Variants in PAN3 observed in about 807,000 individuals in gnomAD.
PAN3 encodes the protein poly(A) specific ribonuclease subunit PAN3.
PAN3 carries 19 observed loss-of-function variants against 96.2 expected under a neutral mutation model. That is an observed-to-expected ratio of 0.20 (90% CI 0.14 to 0.29). The LOEUF (loss-of-function observed/expected upper bound fraction) is 0.29, where lower values mean the gene tolerates loss of function less well. Ranked by LOEUF, PAN3 falls within the 10% of genes least tolerant of loss-of-function variation. The pLI, the probability that PAN3 is intolerant of heterozygous loss-of-function variation, is 1.00. For missense variants in PAN3, 882 were observed against 1,108.1 expected (o/e 0.80, Z 2.90); for synonymous variants, 433 against 406.6 (o/e 1.06, Z -0.78).
rs1878364310 is a variant in PAN3 at position 28,198,728 on chromosome 13, TATCCCAAGGCAAAGCCTATA to T, written c.852+1389_852+1408del. 3.3e-5 allele frequency among the ~76,000 whole-genome samples: 5 copies of T among 152,332 alleles called. No individual in the cohort carries two copies. The South Asian group carries it at 1.0e-3, about 32-fold the overall frequency. On this transcript the variant is annotated intron_variant, in intron 5 of 18. Coordinates refer to ENST00000380958, the MANE Select transcript of PAN3 (RefSeq NM_175854.8). ...TACTCCCAAACTTGCATTTAAAATA[TATCCCAAGGCAAAGCCTATA>T]ATCCCACATGTACATACCACACACA...
intron 1 of PAN3, among the ~76,000 whole-genome samples, chr13:28,153,144 A>G (rs1871597036): frequency 4.6e-5 from 7 of 152,178 alleles, no homozygotes; most frequent in Admixed American, 4.6e-4. Context: ...ATCATACAGC[A>G]GTAAAAACAA....
intron 12 of PAN3, among the ~76,000 whole-genome samples, chr13:28,267,827 C>T (rs1321754730): frequency 1.3e-5 from 2 of 152,190 alleles, no homozygotes; most frequent in Non-Finnish European, 2.9e-5. Flanking sequence ...TCCCACAACA[C>T]TGTGGGAATT....
At chr13:28,220,400 A>C in intron 6 of PAN3, 22 bp downstream of exon 6, 1 of 1,610,414 alleles carries the variant, frequency 6.2e-7, no homozygotes, top group Non-Finnish European at 8.5e-7. Context: ...AACTATTTCC[A>C]GTGAGTTCCA....
chr13:28,223,281 G>A (rs1881595513), intron 6 of PAN3, among the ~76,000 whole-genome samples: 1 of 152,154 alleles, frequency 6.6e-6, no homozygotes, highest in Non-Finnish European at 1.5e-5. Flanking sequence ...CTATCAAATT[G>A]TATACACACT....
At chr13:28,189,286 G>A (rs999881293) in intron 4 of PAN3, among the ~76,000 whole-genome samples, 8 of 152,138 alleles carry the variant, frequency 5.3e-5, no homozygotes, top group African/African-American at 1.9e-4. Flanking sequence ...GGGAGGCCAC[G>A]CCGGGTGGAT....
chr13:28,214,760 A>G, intron 5 of PAN3: 1 of 554,084 alleles, frequency 1.8e-6, no homozygotes, highest in Non-Finnish European at 3.3e-6. Flanking sequence ...ACTTGAGACC[A>G]ACAAGTACTA....
rs149423950 is a variant in PAN3, at chr13:28,213,485, T to C, written c.853-6746T>C. Among the ~76,000 whole-genome samples, 564 of 152,176 alleles carry C rather than the reference T, an allele frequency of 3.7e-3. 2 individuals are homozygous for C. Among genetic ancestry groups the C allele is most frequent in the Middle Eastern group, 0.01 (3 of 294 alleles). ...TAGAATTCCATACTTGGAAAAAATATCCTGCAAAAATGCAGTCAAATTGAG... is the reference window on the plus strand; with the variant it reads ...TAGAATTCCATACTTGGAAAAAATACCCTGCAAAAATGCAGTCAAATTGAG... On this transcript the variant is annotated intron_variant, in intron 5 of 18. Transcript: ENST00000380958.
At chr13:28,210,355 A>G (rs1162914463) in intron 5 of PAN3, among the ~76,000 whole-genome samples, 1 of 152,200 alleles carries the variant, frequency 6.6e-6, no homozygotes, top group African/African-American at 2.4e-5. Context: ...TACACATGCT[A>G]CTTTCCTCTT....
chr13:28,257,727 A>G (rs940163005), intron 7 of PAN3, among the ~76,000 whole-genome samples: 19 of 137,106 alleles, frequency 1.4e-4, no homozygotes, highest in Non-Finnish European at 2.4e-4. Context: ...ATTAATATAT[A>G]TTATATATAA....
At chr13:28,235,099 T>G (rs752332592) in intron 6 of PAN3, among the ~76,000 whole-genome samples, 6 of 152,192 alleles carry the variant, frequency 3.9e-5, no homozygotes, top group Non-Finnish European at 8.8e-5. Context: ...CCTTGTGTAC[T>G]CCGTTCTGGC....
chr13:28,260,362 C>T (rs1468778636), intron 7 of PAN3, 85 bp from the exon 8 acceptor site: 3 of 1,056,320 alleles, frequency 2.8e-6, no homozygotes, highest in Admixed American at 1.8e-5. Flanking sequence ...CCACTGAACT[C>T]CAGCCTGGGC....
chr13:28,168,756 C>T (rs911683842), intron 1 of PAN3, among the ~76,000 whole-genome samples: 5 of 151,566 alleles, frequency 3.3e-5, no homozygotes, highest in African/African-American at 4.8e-5. Context: ...TGGTGGCTCA[C>T]GCCTGTAATC....
At chr13:28,280,350 G>T (rs573329456) in intron 15 of PAN3, 62 bp from the exon 16 acceptor site, 3 of 1,534,364 alleles carry the variant, frequency 2.0e-6, no homozygotes, top group Non-Finnish European at 1.8e-6. Context: ...CTATGTTTGG[G>T]TTATCTTGTT....
intron 14 of PAN3, among the ~76,000 whole-genome samples, chr13:28,274,721 G>C (rs1040808826): frequency 1.2e-4 from 18 of 151,782 alleles, no homozygotes; most frequent in African/African-American, 4.1e-4. Context: ...ATTATCACCT[G>C]TTTATTTTTT....
At chr13:28,289,798 C>T (rs1038758955) in intron 18 of PAN3, among the ~76,000 whole-genome samples, 3 of 152,072 alleles carry the variant, frequency 2.0e-5, no homozygotes, top group African/African-American at 7.2e-5. Flanking sequence ...AGGAGAATGG[C>T]GTGAACCCGG....
At chr13:28,161,818 T>G (rs182596675) in intron 1 of PAN3, among the ~76,000 whole-genome samples, 110 of 152,354 alleles carry the variant, frequency 7.2e-4, no homozygotes, top group African/African-American at 2.5e-3. Context: ...TTGTGAACTT[T>G]CGAGGGAGTT....
In PAN3 at chr13:28,260,241, C is replaced by T. The variant is rs946819638; in HGVS notation, c.1249-206C>T. Among the ~76,000 whole-genome samples, 3 of 151,934 alleles carry T rather than the reference C, an allele frequency of 2.0e-5. No individual in the cohort carries two copies. In the Middle Eastern group the frequency reaches 0.01, roughly 517 times the overall value. Reference sequence around the variant, plus strand: ...GTGAAACCCTGTCTCTACAAAAATACAAAAATTAGCTGGGCATGATGGTGG... The same window carrying T: ...GTGAAACCCTGTCTCTACAAAAATATAAAAATTAGCTGGGCATGATGGTGG... On this transcript the variant is annotated intron_variant, in intron 7 of 18. Transcript: ENST00000380958.
intron 4 of PAN3, among the ~76,000 whole-genome samples, chr13:28,195,112 T>A (rs1001313568): frequency 6.6e-6 from 1 of 152,156 alleles, no homozygotes; most frequent in Non-Finnish European, 1.5e-5. Context: ...GTTAGTCTCA[T>A]AAAACTCTGT....
At chr13:28,143,213 T>C (rs1190459540) in intron 1 of PAN3, among the ~76,000 whole-genome samples, 4 of 151,570 alleles carry the variant, frequency 2.6e-5, no homozygotes, top group African/African-American at 9.7e-5. Flanking sequence ...CTCAGCCTCC[T>C]GAGTAGCTGG....
Sources: allele counts gnomAD v4.1 joint callset (sites outside exome capture counted in the v4.1 genomes callset), GRCh38; gene constraint gnomAD v4.1.1; transcripts MANE v1.5; gene names NCBI Gene and HGNC (gene_info 2026-07-23, HGNC 2026-07-21).